Variants in RNF157 observed in about 807,000 individuals in gnomAD.
RNF157 encodes ring finger protein 157, also known as E3 ubiquitin ligase RNF157.
In RNF157, 55 loss-of-function variants were observed where a neutral mutation model predicts 88.3. The observed-to-expected ratio is 0.62, with a 90% CI of 0.50 to 0.78. The LOEUF (loss-of-function observed/expected upper bound fraction) is 0.78. RNF157 is among the 30% of genes least tolerant of loss of function. RNF157 has a pLI of 0.00. For missense variants in RNF157, 788 were observed against 860.8 expected (o/e 0.92, Z 1.06); for synonymous variants, 334 against 341.2 (o/e 0.98, Z 0.23).
chr17:76,201,795 G>A (rs1013649390), intron 2 of RNF157, among the ~76,000 whole-genome samples: 7 of 151,870 alleles, frequency 4.6e-5, no homozygotes, highest in African/African-American at 1.7e-4. Flanking sequence ...AATTTTTGCT[G>A]AATAACAGTT....
intron 2 of RNF157, among the ~76,000 whole-genome samples, chr17:76,200,546 G>A (rs1353056689): frequency 6.6e-6 from 1 of 152,180 alleles, no homozygotes; most frequent in Non-Finnish European, 1.5e-5. Flanking sequence ...CAGAATGGTG[G>A]AGGCCAGAGG....
chr17:76,194,741 C>T (rs1469580583), intron 2 of RNF157, among the ~76,000 whole-genome samples: 2 of 152,152 alleles, frequency 1.3e-5, no homozygotes, highest in Admixed American at 6.5e-5. Context: ...GCAGGCCGGG[C>T]ACGGTGGCTC....
chr17:76,240,339 G>T lies in RNF157; in HGVS notation c.-99C>A. The T allele has an allele frequency of 2.5e-6, 1 of 393,494 alleles. No homozygotes were observed. The highest frequency in any genetic ancestry group is 3.4e-6 in the Non-Finnish European group (1 of 292,152). 24.4% of individuals were successfully genotyped at this position (393,494 alleles called of 1,614,324 possible). A position where few individuals can be genotyped will look rare whatever the true frequency, so the allele number is the denominator to read the frequency against. On this transcript the variant is annotated 5_prime_UTR_variant, in exon 1 of 19. Coordinates refer to ENST00000269391, the MANE Select transcript of RNF157 (RefSeq NM_052916.3). The surrounding 1 kb of genome is among the most constrained non-coding windows in gnomAD (Gnocchi z 4.4). Reference sequence around the variant, plus strand: ...CCCGCGCCCGGTGCGGGGGCCGACTGCCCGCCGCGGCCGGCTCCGCTGCGG... The same window carrying T: ...CCCGCGCCCGGTGCGGGGGCCGACTTCCCGCCGCGGCCGGCTCCGCTGCGG...
chr17:76,162,660 C>T, intron 8 of RNF157, 37 bp from the exon 9 acceptor site: 1 of 1,506,156 alleles, frequency 6.6e-7, no homozygotes, highest in African/African-American at 1.4e-5. Flanking sequence ...GACAGGCTGT[C>T]TCTACTGAGA....
intron 2 of RNF157, among the ~76,000 whole-genome samples, chr17:76,180,035 C>CGG: frequency 6.6e-6 from 1 of 152,244 alleles, no homozygotes; most frequent in South Asian, 2.1e-4. Context: ...CTGGCATATC[C>CGG]GGAAACAGGA....
chr17:76,204,729 G>A (rs771750523), intron 2 of RNF157, among the ~76,000 whole-genome samples: 1 of 151,880 alleles, frequency 6.6e-6, no homozygotes, highest in Non-Finnish European at 1.5e-5. Flanking sequence ...ATCTGTACTA[G>A]AGAAAGAAGA....
intron 18 of RNF157, among the ~76,000 whole-genome samples, chr17:76,150,032 C>CA (rs35629624): frequency 2.2e-4 from 34 of 151,404 alleles, no homozygotes; most frequent in African/African-American, 7.3e-4. Flanking sequence ...GACTCTGTCT[C>CA]AAAAAAAACA....
rs1486641279 is a variant in RNF157 at position 76,144,966 on chromosome 17, A to G, written c.*269T>C. ...AAATTAGCCCATGGACCCCAGCTCCACCTGAACATCAATATACCGTGAGGA... is the reference window on the plus strand; with the variant it reads ...AAATTAGCCCATGGACCCCAGCTCCGCCTGAACATCAATATACCGTGAGGA... On this transcript the variant is annotated 3_prime_UTR_variant, in exon 19 of 19. Coordinates refer to ENST00000269391, the MANE Select transcript of RNF157 (RefSeq NM_052916.3). 1.9e-5 allele frequency: 7 copies of G among 372,996 alleles called. No homozygotes were observed. The highest frequency in any genetic ancestry group is 3.4e-5 in the Non-Finnish European group (7 of 207,960). The allele number at this position is 372,996 out of a possible 1,614,324, so 23.1% of individuals were successfully genotyped here. A position where few individuals can be genotyped will look rare whatever the true frequency, so the allele number is the denominator to read the frequency against.
At chr17:76,177,199 G>A (rs1036263001) in intron 2 of RNF157, among the ~76,000 whole-genome samples, 1 of 152,024 alleles carries the variant, frequency 6.6e-6, no homozygotes, top group Admixed American at 6.5e-5. Flanking sequence ...GTGCTGCAGG[G>A]GCTGCATGCT....
intron 2 of RNF157, among the ~76,000 whole-genome samples, chr17:76,194,820 C>T (rs577278216): frequency 1.3e-5 from 2 of 152,104 alleles, no homozygotes; most frequent in Admixed American, 1.3e-4. Flanking sequence ...TCGAGACCAT[C>T]CTGGCTAACA....
rs750340657 is a variant in RNF157, at chr17:76,161,490, T to G, written c.1065+45A>C. The stretch of plus-strand genomic sequence containing the variant: ...AGCATGAAAAGTTTAAAAAAGCCAA[T>G]GAGGCATTTGCTTCAGAGGGGCCGT... On this transcript the variant is annotated intron_variant, in intron 11 of 18. Transcript: ENST00000269391. This position sits in a 1 kb window ranked among gnomAD's most constrained non-coding sequence, Gnocchi z 4.6. The G allele has an allele frequency of 7.2e-7, 1 of 1,398,206 alleles. No individual in the cohort carries two copies. The highest frequency in any genetic ancestry group is 1.0e-6 in the Non-Finnish European group (1 of 983,366). The allele number at this position is 1,398,206 out of a possible 1,614,324, so 86.6% of individuals were successfully genotyped here.
intron 3 of RNF157, among the ~76,000 whole-genome samples, chr17:76,171,274 T>C (rs1329054906): frequency 6.6e-6 from 1 of 152,144 alleles, no homozygotes; most frequent in Non-Finnish European, 1.5e-5. Context: ...CTGCAACCTC[T>C]GTCTCCTGGG....
chr17:76,220,723 G>A (rs1198903077), intron 1 of RNF157, among the ~76,000 whole-genome samples: 1 of 152,122 alleles, frequency 6.6e-6, no homozygotes, highest in African/African-American at 2.4e-5. Context: ...ACTTTGGGAG[G>A]CCGAGGTGGG....
intron 2 of RNF157, among the ~76,000 whole-genome samples, chr17:76,189,207 G>C (rs1009610586): frequency 6.6e-6 from 1 of 152,198 alleles, no homozygotes; most frequent in African/African-American, 2.4e-5. Flanking sequence ...TAATGTAACT[G>C]TGTTAATTTT....
chr17:76,240,334 C>G lies in RNF157; in HGVS notation c.-94G>C, dbSNP rs1418710386. ...CCCGCCCCGCGCCCGGTGCGGGGGCCGACTGCCCGCCGCGGCCGGCTCCGC... is the reference window on the plus strand; with the variant it reads ...CCCGCCCCGCGCCCGGTGCGGGGGCGGACTGCCCGCCGCGGCCGGCTCCGC... On this transcript the variant is annotated 5_prime_UTR_variant, in exon 1 of 19. Coordinates refer to ENST00000269391, the MANE Select transcript of RNF157 (RefSeq NM_052916.3). This position sits in a 1 kb window ranked among gnomAD's most constrained non-coding sequence, Gnocchi z 4.4. The G allele has an allele frequency of 2.1e-6, 1 of 468,904 alleles. No homozygotes were observed. The highest frequency in any genetic ancestry group is 2.8e-6 in the Non-Finnish European group (1 of 361,084). The allele number at this position is 468,904 out of a possible 1,614,324, so 29.0% of individuals were successfully genotyped here. A position where few individuals can be genotyped will look rare whatever the true frequency, so the allele number is the denominator to read the frequency against.
intron 2 of RNF157, among the ~76,000 whole-genome samples, chr17:76,207,067 C>T (rs796477727): frequency 5.3e-5 from 8 of 152,300 alleles, no homozygotes; most frequent in African/African-American, 1.9e-4. Flanking sequence ...CACCATCTTT[C>T]TGTATATACA....
chr17:76,196,645 A>C (rs1016839770), intron 2 of RNF157, among the ~76,000 whole-genome samples: 1 of 151,938 alleles, frequency 6.6e-6, no homozygotes, highest in African/African-American at 2.4e-5. Flanking sequence ...TGGCGTCCCA[A>C]CCTTCCCCAA....
chr17:76,154,618 G>C (rs980197671), intron 16 of RNF157: 6 of 326,606 alleles, frequency 1.8e-5, no homozygotes, highest in South Asian at 1.3e-4. Flanking sequence ...TTTCTCTAAG[G>C]TGGAAGTAAA....
intron 1 of RNF157, chr17:76,225,900 G>A (rs551302050): frequency 6.2e-7 from 1 of 1,613,492 alleles, no homozygotes; most frequent in East Asian, 2.2e-5. Flanking sequence ...AGAGCCTCCT[G>A]CTCCGCCCTC....
Sources: gnomAD v4.1 joint callset for allele counts (sites outside exome capture counted in the v4.1 genomes callset) on GRCh38, gnomAD v4.1.1 for gene constraint, Gnocchi (gnomAD v3.1) non-coding constraint, MANE v1.5 for transcripts, NCBI Gene and HGNC (gene_info 2026-07-23, HGNC 2026-07-21) for gene names.